The following DST variants were observed in gnomAD, a reference collection of about 807,000 sequenced individuals.
The protein encoded by DST is dystonin, also known as bullous pemphigoid antigen.
A neutral mutation model predicts 875.2 loss-of-function variants in DST; 253 were observed. The observed-to-expected ratio is 0.29, with a 90% CI of 0.26 to 0.32. The LOEUF (loss-of-function observed/expected upper bound fraction) is 0.32. Ranked by LOEUF, DST falls within the 10% of genes least tolerant of loss-of-function variation. DST has a pLI of 1.00. For missense variants in DST, 8,287 were observed against 9,111.6 expected (o/e 0.91, Z 3.68); for synonymous variants, 3,124 against 3,197.1 (o/e 0.98, Z 0.77).
At chr6:56,546,719 A>G (rs1256305881) in intron 61 of DST, among the ~76,000 whole-genome samples, 1 of 152,046 alleles carries the variant, frequency 6.6e-6, no homozygotes, top group Non-Finnish European at 1.5e-5. Context: ...TACCACTCAA[A>G]TGTTCTTTTC....
intron 4 of DST, among the ~76,000 whole-genome samples, chr6:56,833,308 T>C (rs987778174): frequency 6.6e-6 from 1 of 152,252 alleles, no homozygotes; most frequent in African/African-American, 2.4e-5. Flanking sequence ...GAGGCAACAG[T>C]GTGAAACTGT....
intron 13 of DST, among the ~76,000 whole-genome samples, chr6:56,647,608 T>C (rs2152792253): frequency 6.6e-6 from 1 of 152,302 alleles, no homozygotes; most frequent in South Asian, 2.1e-4. Context: ...GTAGACCACT[T>C]TGCTATTATA....
intron 5 of DST, among the ~76,000 whole-genome samples, chr6:56,722,765 G>T (rs527452620): frequency 7.9e-5 from 12 of 152,178 alleles, no homozygotes; most frequent in African/African-American, 2.2e-4. Flanking sequence ...AATAAAAAGC[G>T]GCTATAAAGG....
intron 4 of DST, chr6:56,843,711 G>A (rs1176257022): frequency 8.4e-6 from 3 of 357,378 alleles, no homozygotes; most frequent in East Asian, 1.7e-4. Context: ...AGGGAGGAGG[G>A]TGGAGGGTGG....
chr6:56,671,244 GTTC>G (rs1414285508), intron 9 of DST, among the ~76,000 whole-genome samples: 1 of 152,076 alleles, frequency 6.6e-6, no homozygotes, highest in Non-Finnish European at 1.5e-5. Flanking sequence ...AAAATTCTAC[GTTC>G]TTCTTTCCTA....
In DST at chr6:56,458,083, T is replaced by G. The variant is rs948880918; in HGVS notation, c.*922A>C. On this transcript the variant is annotated 3_prime_UTR_variant, in exon 104 of 104. Coordinates refer to ENST00000680361, the MANE Select transcript of DST (RefSeq NM_001374736.1). ...AATAAATTAAAATGTATATATTTATTAAATATAGATAGATATAATACCAGA... is the reference window on the plus strand; with the variant it reads ...AATAAATTAAAATGTATATATTTATGAAATATAGATAGATATAATACCAGA... 2.6e-5 allele frequency: 4 copies of G among 152,432 alleles called. No homozygotes were observed. The highest frequency in any genetic ancestry group is 4.8e-5 in the African/African-American group (2 of 41,420). The allele number at this position is 152,432 out of a possible 1,614,324, so 9.4% of individuals were successfully genotyped here.
chr6:56,920,727 C>CTT (rs1201574608), intron 2 of DST, among the ~76,000 whole-genome samples: 2,027 of 124,146 alleles, frequency 0.016, 90 homozygotes, highest in African/African-American at 0.055. Flanking sequence ...TTCTTTCTTC[C>CTT]TTTTTTTTTT....
At position 56,606,928 on chromosome 6, in the gene DST, G is replaced by A; in HGVS notation, c.7700C>T (p.Thr2567Ile). The A allele has an allele frequency of 5.6e-6, 9 of 1,613,368 alleles. No individual in the cohort carries two copies. The highest frequency in any genetic ancestry group is 7.6e-6 in the Non-Finnish European group (9 of 1,179,564). The change falls in exon 40 of 104, where the codon ACT becomes ATT. Residue 2567 changes from threonine to isoleucine, a missense_variant. By Grantham distance (89) the Thr-to-Ile change is moderately conservative. Around this residue, in one of 10 missense-constraint regions of DST, gnomAD observed 3,138 missense variants for 3,116.6 expected, o/e 1.01. Coordinates refer to ENST00000680361, the MANE Select transcript of DST (RefSeq NM_001374736.1). ...AGTAAGAGACACAATGGCATTATCA[G>A]TATCACCCCCTGGAGTCACAGCACA... is the stretch of plus-strand genomic sequence containing the variant. ...YSCAVTPGGDTDNAIVSLTCA... is the reference protein window; with the variant it reads ...YSCAVTPGGDIDNAIVSLTCA...
chr6:56,692,152 C>T (rs1291263370), intron 9 of DST, among the ~76,000 whole-genome samples: 3 of 152,066 alleles, frequency 2.0e-5, no homozygotes, highest in African/African-American at 7.2e-5. Flanking sequence ...AAGTCTTCCA[C>T]CAATAATGAA....
intron 4 of DST, among the ~76,000 whole-genome samples, chr6:56,787,743 G>A (rs1261216805): frequency 6.6e-6 from 1 of 152,162 alleles, no homozygotes; most frequent in Non-Finnish European, 1.5e-5. Flanking sequence ...TAACATGAAA[G>A]TGTTTAATAA....
chr6:56,674,563 C>T (rs1012138534), intron 9 of DST, among the ~76,000 whole-genome samples: 10 of 152,190 alleles, frequency 6.6e-5, no homozygotes, highest in Non-Finnish European at 1.5e-4. Flanking sequence ...TCCCAAACTG[C>T]TGGGATTACA....
Position 56,463,134 on chromosome 6 carries a change from T to A in DST, c.22982A>T (p.Asn7661Ile), listed in dbSNP as rs779080194. The A allele has an allele frequency of 1.9e-6, 3 of 1,612,682 alleles. No individual in the cohort carries two copies. Among genetic ancestry groups the A allele is most frequent in the Non-Finnish European group, 2.5e-6 (3 of 1,178,794 alleles). ...GTTTGTCAACCATGGTTTACCATAA[T>A]TGCGTGTTAAAGGATGGAGAATCTG... The part of the protein sequence containing the change: ...TPKILHPLTR[N>I]YGKPWLTNSK... The change falls in exon 102 of 104, where the codon AAT (asparagine) becomes ATT (isoleucine). Residue 7661 changes from asparagine (N) to isoleucine (I), a missense_variant. Physicochemically the swap from Asn to Ile is moderately radical, Grantham distance 149. Coordinates refer to ENST00000680361, the MANE Select transcript of DST (RefSeq NM_001374736.1).
chr6:56,528,971 G>A (rs929200960), intron 66 of DST, 46 bp from the exon 67 acceptor site: 6 of 1,221,580 alleles, frequency 4.9e-6, no homozygotes, highest in Non-Finnish European at 7.1e-6. Flanking sequence ...AAACATTTAA[G>A]TTAGCATTAA....
chr6:56,679,599 TAAAAAA>T (rs1165137050), intron 9 of DST, among the ~76,000 whole-genome samples: 163 of 111,862 alleles, frequency 1.5e-3, no homozygotes, highest in African/African-American at 5.4e-3. Context: ...TATGTCTCAT[TAAAAAA>T]AAAAAAAAAA....
chr6:56,573,212 T>C, intron 51 of DST, 148 bp from the exon 52 acceptor site: 1 of 712,560 alleles, frequency 1.4e-6, no homozygotes, highest in South Asian at 2.2e-5. Flanking sequence ...ACAAGTTTGG[T>C]CTGTCCCTTG....
chr6:56,635,571 T>C lies in DST; in HGVS notation c.3186+18A>G. ...CACTTATGCATACTTATAAAATGCA[T>C]AGGTTTTGTATTAGTACCATTGATT... On this transcript the variant is annotated intron_variant, in intron 24 of 103. Transcript: ENST00000680361. 1 of 1,613,312 alleles carries C rather than the reference T, an allele frequency of 6.2e-7. No homozygotes were observed. The highest frequency in any genetic ancestry group is 8.5e-7 in the Non-Finnish European group (1 of 1,179,426).
chr6:56,681,697 G>A (rs1007812204), intron 9 of DST, among the ~76,000 whole-genome samples: 22 of 152,188 alleles, frequency 1.4e-4, no homozygotes, highest in African/African-American at 4.6e-4. Context: ...GTGTTATAAT[G>A]CCTAGCTAGG....
At chr6:56,900,279 C>G (rs925175970) in intron 3 of DST, 142 bp downstream of exon 3, 7 of 625,128 alleles carry the variant, frequency 1.1e-5, no homozygotes, top group Admixed American at 3.0e-5. Context: ...TGCTGAAACT[C>G]ATATGAGTAC....
chr6:56,812,667 C>T (rs2099761827), intron 4 of DST, among the ~76,000 whole-genome samples: 1 of 152,180 alleles, frequency 6.6e-6, no homozygotes, highest in Admixed American at 6.5e-5. Context: ...TGGAATAAAA[C>T]AGTCTTGAAT....
Sources: gnomAD v4.1 joint callset for allele counts (sites outside exome capture counted in the v4.1 genomes callset) on GRCh38, gnomAD v4.1.1 for gene constraint, gnomAD v4.1.1 regional missense constraint, MANE v1.5 for transcripts, NCBI Gene and HGNC (gene_info 2026-07-23, HGNC 2026-07-21) for gene names.